ELFN1: variants seen among roughly 807,000 people sequenced by gnomAD.
ELFN1 encodes the protein protein ELFN1.
A neutral mutation model predicts 7.6 loss-of-function variants in ELFN1; 6 were observed. That is an observed-to-expected ratio of 0.79 (90% CI 0.43 to 1.56). The LOEUF (loss-of-function observed/expected upper bound fraction) is 1.56. Ranked by LOEUF, ELFN1 falls within the 40% of genes most tolerant of loss-of-function variation. The probability of loss-of-function intolerance (pLI) is 0.01; values close to 1 mark genes in which losing one functional copy is unlikely to be tolerated. For missense variants in ELFN1, 1,169 were observed against 1,232.2 expected (o/e 0.95, Z 0.77); for synonymous variants, 657 against 588.1 (o/e 1.12, Z -1.70).
upstream of ELFN1, among the ~76,000 whole-genome samples, chr7:1,668,268 A>T (rs1006905653): frequency 6.6e-6 from 1 of 152,004 alleles, no homozygotes; most frequent in African/African-American, 2.4e-5. Flanking sequence ...GAGGAAATGG[A>T]CTCATCATGC....
At position 1,673,804 on chromosome 7, in the gene ELFN1, T is replaced by C. The variant is rs540688633; in HGVS notation, c.-549+3450T>C. Among the ~76,000 whole-genome samples the C allele has an allele frequency of 9.2e-5, 14 of 152,162 alleles. No homozygotes were observed. Among genetic ancestry groups the C allele is most frequent in the African/African-American group, 3.4e-4 (14 of 41,486 alleles). On this transcript the variant is annotated intron_variant, in intron 1 of 3. Transcript: ENST00000424383. The surrounding 1 kb of genome is among the most constrained non-coding windows in gnomAD (Gnocchi z 4.7). ...CCAGCCGGTCCATTTTCCAGAAGGG[T>C]CCAGCATCGCCCGAGGTCACACAGC...
At chr7:1,691,733 C>T (rs555350661) in intron 2 of ELFN1, among the ~76,000 whole-genome samples, 2 of 152,304 alleles carry the variant, frequency 1.3e-5, no homozygotes, top group East Asian at 1.9e-4. Flanking sequence ...CCATGTGAAC[C>T]ATGGCCTCCC....
At position 1,695,458 on chromosome 7, in the gene ELFN1, CTG is replaced by C. The variant is rs753819184; in HGVS notation, c.-456+7311_-456+7312del. Among the ~76,000 whole-genome samples the C allele has an allele frequency of 3.5e-4, 53 of 152,310 alleles. No homozygotes were observed. Among genetic ancestry groups the C allele is most frequent in the Non-Finnish European group, 6.5e-4 (44 of 68,022 alleles). On this transcript the variant is annotated intron_variant, in intron 2 of 3. Coordinates refer to ENST00000424383, the MANE Select transcript of ELFN1 (RefSeq NM_001128636.4). This position sits in a 1 kb window ranked among gnomAD's most constrained non-coding sequence, Gnocchi z 5.1. ...AAGCCCATGAACCCCACTTTGAAAACTGTGCAGCCGTGCGCGGCCACTCACAC... is the reference window on the plus strand; with the variant it reads ...AAGCCCATGAACCCCACTTTGAAAACTGCAGCCGTGCGCGGCCACTCACAC...
In ELFN1 at chr7:1,735,668, C is replaced by A. The variant is rs576044586; in HGVS notation, c.-293-8636C>A. ...CTGGTGAGATCCCTCAATGGGCCCC[C>A]CTCTGTGGGCACCAGGTCCGGCAAC... On this transcript the variant is annotated intron_variant, in intron 3 of 3. Transcript: ENST00000424383. This position sits in a 1 kb window ranked among gnomAD's most constrained non-coding sequence, Gnocchi z 5.9. 6.6e-6 allele frequency among the ~76,000 whole-genome samples: 1 copy of A among 152,132 alleles called. No individual in the cohort carries two copies. The highest frequency in any genetic ancestry group is 1.5e-5 in the Non-Finnish European group (1 of 68,018).
At chr7:1,686,875 C>G (rs1779071056) in intron 1 of ELFN1, among the ~76,000 whole-genome samples, 1 of 152,052 alleles carries the variant, frequency 6.6e-6, no homozygotes. Context: ...AACTCTCTGT[C>G]AGATTCCCAG....
At chr7:1,741,799 C>T (rs1338628573) in intron 3 of ELFN1, among the ~76,000 whole-genome samples, 1 of 152,176 alleles carries the variant, frequency 6.6e-6, no homozygotes, top group Non-Finnish European at 1.5e-5. Context: ...CGAGGTGCCA[C>T]CCACACCTGC....
chr7:1,706,364 G>C (rs1275756432), intron 2 of ELFN1, among the ~76,000 whole-genome samples: 2 of 152,230 alleles, frequency 1.3e-5, no homozygotes, highest in African/African-American at 4.8e-5. Flanking sequence ...AGAGTTTGCA[G>C]TGAGCCGAGA....
Position 1,735,979 on chromosome 7 carries a change from C to T in ELFN1, c.-293-8325C>T, listed in dbSNP as rs1307207929. On this transcript the variant is annotated intron_variant, in intron 3 of 3. Coordinates refer to ENST00000424383, the MANE Select transcript of ELFN1 (RefSeq NM_001128636.4). The surrounding 1 kb of genome is among the most constrained non-coding windows in gnomAD (Gnocchi z 5.9). ...AGCAGGCGCACGGCAGAGCCAACAC[C>T]ATCTCCTGGCCCACGATGGTTCTGT... is the stretch of plus-strand genomic sequence containing the variant. Among the ~76,000 whole-genome samples the T allele has an allele frequency of 6.6e-6, 1 of 152,156 alleles. No individual in the cohort carries two copies. Among genetic ancestry groups the T allele is most frequent in the African/African-American group, 2.4e-5 (1 of 41,432 alleles).
intron 2 of ELFN1, among the ~76,000 whole-genome samples, chr7:1,700,380 C>G (rs969671629): frequency 6.6e-6 from 1 of 152,346 alleles, no homozygotes; most frequent in Non-Finnish European, 1.5e-5. Context: ...CATTCCTGAT[C>G]GTAGCAACCA....
intron 3 of ELFN1, among the ~76,000 whole-genome samples, chr7:1,727,498 G>A (rs1271252248): frequency 7.1e-6 from 1 of 140,566 alleles, no homozygotes; most frequent in African/African-American, 3.3e-5. Flanking sequence ...GTCAGTCCTG[G>A]GCTGCCCTAG....
chr7:1,741,640 A>T (rs964133072), intron 3 of ELFN1, among the ~76,000 whole-genome samples: 7 of 152,128 alleles, frequency 4.6e-5, no homozygotes, highest in African/African-American at 1.7e-4. Context: ...AGGGGGAGAG[A>T]GTGTGGCACC....
intron 2 of ELFN1, chr7:1,693,575 T>G (rs909597597): frequency 4.2e-6 from 2 of 471,082 alleles, no homozygotes; most frequent in Non-Finnish European, 8.8e-6. Flanking sequence ...GCTGGGTGTG[T>G]GCACATCTGC....
chr7:1,676,730 C>T (rs757035857), intron 1 of ELFN1, among the ~76,000 whole-genome samples: 8 of 152,210 alleles, frequency 5.3e-5, no homozygotes, highest in East Asian at 1.9e-4. Context: ...AGCCGAGACA[C>T]GCTTCGTGTG....
At chr7:1,674,866 C>T (rs1057113009) in intron 1 of ELFN1, among the ~76,000 whole-genome samples, 1 of 152,128 alleles carries the variant, frequency 6.6e-6, no homozygotes, top group African/African-American at 2.4e-5. Flanking sequence ...TCGGCCCGGG[C>T]CAGCCCAGCC....
upstream of ELFN1, among the ~76,000 whole-genome samples, chr7:1,669,116 C>G (rs1209254442): frequency 2.0e-5 from 3 of 152,270 alleles, no homozygotes; most frequent in African/African-American, 4.8e-5. Flanking sequence ...GCGTGTCAGG[C>G]CCTGCAGCCG....
chr7:1,669,394 G>T (rs1234476014), upstream of ELFN1, among the ~76,000 whole-genome samples: 1 of 152,042 alleles, frequency 6.6e-6, no homozygotes, highest in Non-Finnish European at 1.5e-5. Context: ...ACTGGAGAGG[G>T]TCCCCAGGCG....
chr7:1,689,632 T>C (rs1221493388), intron 2 of ELFN1, among the ~76,000 whole-genome samples: 1 of 152,230 alleles, frequency 6.6e-6, no homozygotes, highest in African/African-American at 2.4e-5. Context: ...TCCTGTCTCC[T>C]TATTTTTAAT....
chr7:1,685,441 A>T (rs1237463325), intron 1 of ELFN1, among the ~76,000 whole-genome samples: 1 of 152,060 alleles, frequency 6.6e-6, no homozygotes, highest in African/African-American at 2.4e-5. Context: ...TCCCATCACC[A>T]CATATGCTAG....
chr7:1,687,769 T>G (rs1046754073), intron 1 of ELFN1, among the ~76,000 whole-genome samples: 4 of 152,246 alleles, frequency 2.6e-5, no homozygotes, highest in Admixed American at 6.5e-5. Context: ...TTTGATATTG[T>G]CAGTCCTTTT....
Sources: gnomAD v4.1 joint callset for allele counts (sites outside exome capture counted in the v4.1 genomes callset) on GRCh38, gnomAD v4.1.1 for gene constraint, Gnocchi (gnomAD v3.1) non-coding constraint, MANE v1.5 for transcripts, NCBI Gene and HGNC (gene_info 2026-07-23, HGNC 2026-07-21) for gene names.